IL1RAPL1: variants seen among roughly 807,000 people sequenced by gnomAD.
The protein encoded by IL1RAPL1 is interleukin-1 receptor accessory protein-like 1.
A neutral mutation model predicts 48.4 loss-of-function variants in IL1RAPL1; 3 were observed. That is an observed-to-expected ratio of 0.06 (90% CI 0.03 to 0.16). The LOEUF (loss-of-function observed/expected upper bound fraction) is 0.16, where lower values mean the gene tolerates loss of function less well. IL1RAPL1 is among the 10% of genes least tolerant of loss of function. The probability of loss-of-function intolerance (pLI) is 1.00; values close to 1 mark genes in which losing one functional copy is unlikely to be tolerated. For synonymous variants in IL1RAPL1, 185 were observed against 187.7 expected (o/e 0.99, Z 0.12); for missense variants, 349 against 530.6 (o/e 0.66, Z 3.36).
At chrX:29,282,083 A>ACC (rs1932211259) in intron 2 of IL1RAPL1, among the ~76,000 whole-genome samples, 2 of 111,066 alleles carry the variant, frequency 1.8e-5, no homozygotes, top group Non-Finnish European at 3.8e-5. Flanking sequence ...TCTAACCCTA[A>ACC]TTACCTCCCA....
chrX:29,084,890 G>A (rs1184882996), intron 2 of IL1RAPL1, among the ~76,000 whole-genome samples: 1 of 111,518 alleles, frequency 9.0e-6, no homozygotes, highest in African/African-American at 3.3e-5. Context: ...ACGGGGTTTC[G>A]CCATGTTGGG....
chrX:29,226,727 A>T (rs1195628378), intron 2 of IL1RAPL1, among the ~76,000 whole-genome samples: 2 of 105,191 alleles, frequency 1.9e-5, no homozygotes, highest in Non-Finnish European at 4.0e-5. Flanking sequence ...GAGCCACTGT[A>T]CTGGCTGATT....
intron 1 of IL1RAPL1, among the ~76,000 whole-genome samples, chrX:28,678,282 G>C (rs1485009694): frequency 9.0e-6 from 1 of 111,107 alleles, no homozygotes; most frequent in Non-Finnish European, 1.9e-5. Flanking sequence ...CTTGACTTTG[G>C]CTCGGTAGTG....
At chrX:28,828,117 A>G (rs1389495801) in intron 2 of IL1RAPL1, among the ~76,000 whole-genome samples, 2 of 111,773 alleles carry the variant, frequency 1.8e-5, no homozygotes, top group Non-Finnish European at 3.8e-5. Flanking sequence ...TGAAAGATAA[A>G]TTTAGAATTC....
intron 1 of IL1RAPL1, among the ~76,000 whole-genome samples, chrX:28,595,984 C>T (rs1044669295): frequency 9.0e-6 from 1 of 111,068 alleles, no homozygotes; most frequent in African/African-American, 3.3e-5. Context: ...AACACAGCCA[C>T]AGAGCAAGCC....
chrX:29,333,395 C>T (rs1932913131), intron 3 of IL1RAPL1, among the ~76,000 whole-genome samples: 1 of 99,902 alleles, frequency 1.0e-5, no homozygotes, highest in Admixed American at 1.1e-4. Flanking sequence ...GGCGGCTGGC[C>T]GGGCGGGGGG....
At chrX:29,673,521 TA>T (rs1292502868) in intron 6 of IL1RAPL1, among the ~76,000 whole-genome samples, 1 of 111,338 alleles carries the variant, frequency 9.0e-6, no homozygotes, top group Non-Finnish European at 1.9e-5. Context: ...AAACTCAAAT[TA>T]AAAAACCGTA....
At chrX:28,732,826 G>A (rs757064123) in intron 1 of IL1RAPL1, among the ~76,000 whole-genome samples, 17 of 111,249 alleles carry the variant, frequency 1.5e-4, no homozygotes, top group Non-Finnish European at 3.0e-4. Flanking sequence ...CCGAGTTTGC[G>A]CCACTGCACT....
At chrX:28,814,340 T>TG (rs1491232252) in intron 2 of IL1RAPL1, among the ~76,000 whole-genome samples, 13 of 83,240 alleles carry the variant, frequency 1.6e-4, no homozygotes, top group South Asian at 7.2e-4. Flanking sequence ...AATTTTCAGG[T>TG]TTGTGTGTGT....
intron 2 of IL1RAPL1, among the ~76,000 whole-genome samples, chrX:28,834,391 A>G (rs1407997875): frequency 3.6e-5 from 4 of 110,889 alleles, no homozygotes; most frequent in Non-Finnish European, 7.6e-5. Flanking sequence ...TTTTTTATTC[A>G]TTCTTTTGGA....
intron 6 of IL1RAPL1, among the ~76,000 whole-genome samples, chrX:29,683,618 T>C (rs1348919141): frequency 3.6e-5 from 4 of 112,433 alleles, no homozygotes; most frequent in Admixed American, 1.9e-4. Context: ...ATTAGTGTAT[T>C]GAATGTGATT....
Position 28,668,500 on chromosome X carries a change from C to T in IL1RAPL1, c.-25+80453C>T, listed in dbSNP as rs187901317. Among the ~76,000 whole-genome samples, 106 of 113,314 alleles carry T rather than the reference C, an allele frequency of 9.4e-4. 1 individual carries two copies. In the East Asian group the frequency reaches 0.015, roughly 16 times the overall value. ...GTCTCGAACTCCTGACCTCTGCATC[C>T]GCCCACCTCGGCCTCCCGAAGTGCT... On this transcript the variant is annotated intron_variant, in intron 1 of 10. Coordinates refer to ENST00000378993, the MANE Select transcript of IL1RAPL1 (RefSeq NM_014271.4).
chrX:29,480,334 A>T (rs189452129), intron 5 of IL1RAPL1, among the ~76,000 whole-genome samples: 1,015 of 98,074 alleles, frequency 0.01, 9 homozygotes, highest in Non-Finnish European at 0.015. Flanking sequence ...CTTTGAATGG[A>T]TCTATTTATG....
At chrX:28,608,838 G>T (rs1314832631) in intron 1 of IL1RAPL1, among the ~76,000 whole-genome samples, 2 of 111,722 alleles carry the variant, frequency 1.8e-5, no homozygotes, top group African/African-American at 3.3e-5. Flanking sequence ...ACCAAAAATG[G>T]ACATAATTTA....
At chrX:29,515,344 T>C (rs918629072) in intron 5 of IL1RAPL1, among the ~76,000 whole-genome samples, 5 of 112,236 alleles carry the variant, frequency 4.5e-5, no homozygotes, top group African/African-American at 1.3e-4. Context: ...ATAGTCAAGA[T>C]AGAAAACATT....
At chrX:28,852,198 C>T (rs947266186) in intron 2 of IL1RAPL1, among the ~76,000 whole-genome samples, 4 of 111,646 alleles carry the variant, frequency 3.6e-5, no homozygotes, top group Non-Finnish European at 5.6e-5. Context: ...GATACTTAGA[C>T]CTTTTGCAAA....
chrX:29,510,313 A>G lies in IL1RAPL1; in HGVS notation c.703+111005A>G, dbSNP rs1395540977. 6.2e-5 allele frequency among the ~76,000 whole-genome samples: 7 copies of G among 112,238 alleles called. No homozygotes were observed. The Admixed American group carries it at 6.6e-4, about 11-fold the overall frequency. On this transcript the variant is annotated intron_variant, in intron 5 of 10. Coordinates refer to ENST00000378993, the MANE Select transcript of IL1RAPL1 (RefSeq NM_014271.4). ...GGACATTGGCTGTCAACAGAGTGCT[A>G]GAATAAGCAGAAAGAAAAATAAAGC...
chrX:28,753,662 C>T (rs780874420), intron 1 of IL1RAPL1, among the ~76,000 whole-genome samples: 2 of 112,347 alleles, frequency 1.8e-5, no homozygotes, highest in Non-Finnish European at 3.8e-5. Context: ...ATCTTAATAA[C>T]ATTTTTAAAA....
chrX:29,344,927 C>T (rs1211372434), intron 3 of IL1RAPL1, among the ~76,000 whole-genome samples: 1 of 112,849 alleles, frequency 8.9e-6, no homozygotes, highest in East Asian at 2.8e-4. Flanking sequence ...TGAGCCACCA[C>T]GCCTGGCCAA....
Sources: allele counts gnomAD v4.1 joint callset (sites outside exome capture counted in the v4.1 genomes callset), GRCh38; gene constraint gnomAD v4.1.1; transcripts MANE v1.5; gene names NCBI Gene and HGNC (gene_info 2026-07-23, HGNC 2026-07-21).